Variants in UBE2E3 observed in about 807,000 individuals in gnomAD.
UBE2E3 encodes ubiquitin-conjugating enzyme E2 E3.
Under a neutral mutation model 23.6 loss-of-function variants are expected in UBE2E3, and 5 were observed. The observed-to-expected ratio is 0.21, with a 90% CI of 0.11 to 0.44. The LOEUF (loss-of-function observed/expected upper bound fraction) is 0.44. Among genes scored for constraint, UBE2E3 ranks in the 20% least tolerant of loss-of-function variants. UBE2E3 has a pLI of 0.99. For missense variants in UBE2E3, 81 were observed against 249.8 expected, an observed-to-expected ratio of 0.32 and a Z score of 4.55; for synonymous variants, 78 against 87.5, an observed-to-expected ratio of 0.89 and a Z score of 0.60.
intron 3 of UBE2E3, among the ~76,000 whole-genome samples, chr2:181,003,668 A>G (rs772675855): frequency 2.0e-5 from 3 of 152,214 alleles, no homozygotes; most frequent in Non-Finnish European, 2.9e-5. Flanking sequence ...TTGTTTGCAC[A>G]TAGTACACTG....
intron 3 of UBE2E3, among the ~76,000 whole-genome samples, chr2:181,055,280 C>T (rs1225670967): frequency 6.6e-6 from 1 of 151,566 alleles, no homozygotes; most frequent in Non-Finnish European, 1.5e-5. Context: ...GGAGAAAGGG[C>T]ATTGTTGGAT....
chr2:181,060,861 CTTTTTT>C (rs71029902), intron 5 of UBE2E3, 49 bp downstream of exon 5: 379 of 248,894 alleles, frequency 1.5e-3, no homozygotes, highest in South Asian at 4.5e-3. Context: ...AAAACGAGTG[CTTTTTT>C]TTTTTTTTTT....
intron 3 of UBE2E3, among the ~76,000 whole-genome samples, chr2:181,050,798 A>G (rs997464770): frequency 6.6e-6 from 1 of 151,862 alleles, no homozygotes. Flanking sequence ...TAGATGTGAT[A>G]TAAAGCACCT....
intron 3 of UBE2E3, among the ~76,000 whole-genome samples, chr2:181,047,138 T>C (rs1002887772): frequency 2.0e-5 from 3 of 152,166 alleles, no homozygotes; most frequent in Non-Finnish European, 4.4e-5. Flanking sequence ...CTTTAGTTTC[T>C]AACACACTTT....
intron 3 of UBE2E3, among the ~76,000 whole-genome samples, chr2:180,987,619 A>T (rs1038815914): frequency 6.6e-6 from 1 of 152,160 alleles, no homozygotes; most frequent in African/African-American, 2.4e-5. Flanking sequence ...AAAACCTGAG[A>T]TCAGGTGATT....
At chr2:180,987,380 C>T (rs1384034173) in intron 3 of UBE2E3, 15 of 1,549,894 alleles carry the variant, frequency 9.7e-6, no homozygotes, top group African/African-American at 1.4e-5. Flanking sequence ...GTGCAAACAG[C>T]GAAAGTTTAG....
intron 3 of UBE2E3, among the ~76,000 whole-genome samples, chr2:181,022,374 A>T (rs995540245): frequency 6.6e-6 from 1 of 152,066 alleles, no homozygotes; most frequent in Non-Finnish European, 1.5e-5. Context: ...TCAAACACCG[A>T]ATTAGCGAAT....
intron 3 of UBE2E3, among the ~76,000 whole-genome samples, chr2:181,013,294 C>CA (rs1685389092): frequency 6.6e-6 from 1 of 152,112 alleles, no homozygotes; most frequent in Non-Finnish European, 1.5e-5. Flanking sequence ...TTCTGTAAGA[C>CA]AAGAGTTTGG....
chr2:181,041,553 C>T (rs909904810), intron 3 of UBE2E3, among the ~76,000 whole-genome samples: 2 of 152,150 alleles, frequency 1.3e-5, no homozygotes, highest in African/African-American at 4.8e-5. Flanking sequence ...ATTCTCCTGC[C>T]TCAGCCTCCC....
intron 3 of UBE2E3, among the ~76,000 whole-genome samples, chr2:181,011,574 T>A (rs558819296): frequency 1.3e-5 from 2 of 152,218 alleles, no homozygotes; most frequent in Admixed American, 6.6e-5. Context: ...AAGTCAAAAA[T>A]TTTTTAAGAA....
At chr2:181,049,318 C>T (rs1251354977) in intron 3 of UBE2E3, among the ~76,000 whole-genome samples, 2 of 152,062 alleles carry the variant, frequency 1.3e-5, no homozygotes, top group Non-Finnish European at 2.9e-5. Flanking sequence ...ACCACACCCA[C>T]AGTTTATCCT....
intron 3 of UBE2E3, among the ~76,000 whole-genome samples, chr2:181,038,486 T>C (rs1252909031): frequency 6.6e-6 from 1 of 152,200 alleles, no homozygotes; most frequent in African/African-American, 2.4e-5. Flanking sequence ...AAATGGGTCA[T>C]TGACCTAAAT....
At chr2:181,041,099 T>A (rs1261348278) in intron 3 of UBE2E3, among the ~76,000 whole-genome samples, 4 of 151,634 alleles carry the variant, frequency 2.6e-5, no homozygotes, top group Admixed American at 2.0e-4. Context: ...AATAAAAAAA[T>A]TAGACGGGTG....
rs564853971 is a variant in UBE2E3, at chr2:181,051,499, C to G, written c.246-6194C>G. Reference sequence around the variant, plus strand: ...CTGATTTATAATCTTAATTACCTAACTCATTCCAGTCTTTTCTAAAGATTG... The same window carrying G: ...CTGATTTATAATCTTAATTACCTAAGTCATTCCAGTCTTTTCTAAAGATTG... On this transcript the variant is annotated intron_variant, in intron 3 of 5. Transcript: ENST00000410062. 4.6e-5 allele frequency among the ~76,000 whole-genome samples: 7 copies of G among 151,932 alleles called. No homozygotes were observed. The South Asian group carries it at 1.4e-3, about 31-fold the overall frequency.
chr2:181,032,021 A>G (rs762260879), intron 3 of UBE2E3, among the ~76,000 whole-genome samples: 1 of 152,136 alleles, frequency 6.6e-6, no homozygotes, highest in Non-Finnish European at 1.5e-5. Flanking sequence ...GCAATGGAAA[A>G]CCAGCTTCAG....
chr2:181,027,531 A>T (rs1685934537), intron 3 of UBE2E3, among the ~76,000 whole-genome samples: 1 of 151,998 alleles, frequency 6.6e-6, no homozygotes, highest in Non-Finnish European at 1.5e-5. Flanking sequence ...ATAAGTATTT[A>T]TTTATGGGTA....
chr2:180,999,459 G>T (rs1196390699), intron 3 of UBE2E3, among the ~76,000 whole-genome samples: 2 of 152,156 alleles, frequency 1.3e-5, no homozygotes, highest in Admixed American at 6.5e-5. Flanking sequence ...ATTCCTAGGA[G>T]TGGAATTGCT....
rs557717947 is a variant in UBE2E3, at chr2:181,035,674, A to T, written c.246-22019A>T. 4.6e-5 allele frequency among the ~76,000 whole-genome samples: 7 copies of T among 152,258 alleles called. No homozygotes were observed. In the South Asian group the frequency reaches 1.2e-3, roughly 27 times the overall value. Reference sequence around the variant, plus strand: ...AATTCGAAAACTTCCTTGAAACATTATTAGATTTTTTTTGCAATTTTTTTT... The same window carrying T: ...AATTCGAAAACTTCCTTGAAACATTTTTAGATTTTTTTTGCAATTTTTTTT... On this transcript the variant is annotated intron_variant, in intron 3 of 5. Coordinates refer to ENST00000410062, the MANE Select transcript of UBE2E3 (RefSeq NM_006357.4).
intron 3 of UBE2E3, among the ~76,000 whole-genome samples, chr2:181,057,112 A>T (rs1687011351): frequency 6.6e-6 from 1 of 151,856 alleles, no homozygotes; most frequent in Non-Finnish European, 1.5e-5. Context: ...TTAAAGGAGA[A>T]TAAAGACACA....
Sources: gnomAD v4.1 joint callset for allele counts (sites outside exome capture counted in the v4.1 genomes callset) on GRCh38, gnomAD v4.1.1 for gene constraint, MANE v1.5 for transcripts, NCBI Gene and HGNC (gene_info 2026-07-23, HGNC 2026-07-21) for gene names.